The following CTNNAL1 variants were observed in gnomAD, a reference collection of about 807,000 sequenced individuals.
The protein encoded by CTNNAL1 is catenin alpha like 1.
In CTNNAL1, 69 loss-of-function variants were observed where a neutral mutation model predicts 93.6. That is an observed-to-expected ratio of 0.74 (90% confidence interval 0.61 to 0.90). The LOEUF (loss-of-function observed/expected upper bound fraction) is 0.90. Among genes scored for constraint, CTNNAL1 ranks in the 40% least tolerant of loss-of-function variants. The pLI, the probability that CTNNAL1 is intolerant of heterozygous loss-of-function variation, is 0.00. For synonymous variants in CTNNAL1, 286 were observed against 305.4 expected, an observed-to-expected ratio of 0.94 and a Z score of 0.66; for missense variants, 836 against 862.0, an observed-to-expected ratio of 0.97 and a Z score of 0.38.
intron 7 of CTNNAL1, among the ~76,000 whole-genome samples, chr9:108,978,661 C>T (rs1831332594): frequency 6.6e-6 from 1 of 152,216 alleles, no homozygotes; most frequent in African/African-American, 2.4e-5. Flanking sequence ...CTTGGCCATT[C>T]TTGCCCAAAT....
chr9:108,968,307 A>C (rs2132123840), intron 10 of CTNNAL1, among the ~76,000 whole-genome samples: 1 of 152,356 alleles, frequency 6.6e-6, no homozygotes, highest in African/African-American at 2.4e-5. Flanking sequence ...AAAGACTAGG[A>C]GTGGAAGCTA....
chr9:108,966,534 G>C (rs1830958098), intron 10 of CTNNAL1, among the ~76,000 whole-genome samples: 1 of 151,834 alleles, frequency 6.6e-6, no homozygotes, highest in South Asian at 2.1e-4. Flanking sequence ...ATGGTTCAAT[G>C]CACAGGCTCC....
At chr9:108,986,536 T>C (rs1426931024) in intron 4 of CTNNAL1, among the ~76,000 whole-genome samples, 1 of 152,006 alleles carries the variant, frequency 6.6e-6, no homozygotes. Context: ...CGTTTGGGTA[T>C]ATACCCAGTA....
At chr9:108,970,606 T>C in intron 9 of CTNNAL1, 112 bp from the exon 10 acceptor site, 1 of 909,552 alleles carries the variant, frequency 1.1e-6, no homozygotes, top group Non-Finnish European at 1.5e-6. Flanking sequence ...TTAAAACCTA[T>C]TAAAATAAAC....
chr9:108,973,278 T>C (rs1040389236), intron 8 of CTNNAL1, among the ~76,000 whole-genome samples: 3 of 152,218 alleles, frequency 2.0e-5, no homozygotes, highest in African/African-American at 7.2e-5. Context: ...TTAAGAGTAT[T>C]AAGAGTGCAA....
chr9:108,988,204 C>T (rs934518259), intron 4 of CTNNAL1, among the ~76,000 whole-genome samples: 4 of 152,198 alleles, frequency 2.6e-5, no homozygotes, highest in Non-Finnish European at 5.9e-5. Context: ...GTGCCTCAGC[C>T]TCCTGAGTAG....
intron 1 of CTNNAL1, among the ~76,000 whole-genome samples, chr9:109,011,505 T>C (rs893792741): frequency 2.6e-5 from 4 of 152,258 alleles, no homozygotes; most frequent in African/African-American, 9.6e-5. Flanking sequence ...AATGCAGAGC[T>C]GTAAGACTGA....
chr9:108,968,765 C>T (rs1243838756), intron 10 of CTNNAL1, among the ~76,000 whole-genome samples: 1 of 152,190 alleles, frequency 6.6e-6, no homozygotes, highest in Non-Finnish European at 1.5e-5. Context: ...CACACACCAT[C>T]GTTGAGTCTA....
chr9:108,972,868 G>GGGCCCCCGGGT, intron 8 of CTNNAL1, 35 bp from the exon 9 acceptor site: 1 of 1,092,792 alleles, frequency 9.2e-7, no homozygotes, highest in Non-Finnish European at 1.2e-6. Context: ...GGGTGGGAGG[G>GGGCCCCCGGGT]TGGAGAAGGA....
chr9:108,970,226 C>A lies in CTNNAL1; in HGVS notation c.1440+176G>T, dbSNP rs1027733566. Among the ~76,000 whole-genome samples the A allele has an allele frequency of 2.0e-5, 3 of 152,304 alleles. No individual in the cohort carries two copies. In the East Asian group the frequency reaches 5.8e-4, roughly 29 times the overall value. On this transcript the variant is annotated intron_variant, in intron 10 of 18. Transcript: ENST00000325551. Reference sequence around the variant, plus strand: ...TCTCCAATTTGGCAGATGACCAGCTCCAATGGAAGGTTAGCCATGTTCTGG... The same window carrying A: ...TCTCCAATTTGGCAGATGACCAGCTACAATGGAAGGTTAGCCATGTTCTGG...
chr9:108,960,456 T>TAG (rs767240362), intron 11 of CTNNAL1, among the ~76,000 whole-genome samples: 12 of 152,168 alleles, frequency 7.9e-5, no homozygotes, highest in Admixed American at 5.9e-4. Flanking sequence ...CCCCCATTTT[T>TAG]AGTGGCATCC....
chr9:108,988,733 A>G (rs1446464149), intron 4 of CTNNAL1, among the ~76,000 whole-genome samples: 7 of 151,934 alleles, frequency 4.6e-5, no homozygotes, highest in Admixed American at 1.3e-4. Flanking sequence ...TTTATTGTCT[A>G]TCTCCTCCCA....
At chr9:108,983,781 T>C (rs956965762) in intron 5 of CTNNAL1, among the ~76,000 whole-genome samples, 1 of 152,214 alleles carries the variant, frequency 6.6e-6, no homozygotes, top group Non-Finnish European at 1.5e-5. Flanking sequence ...GCTTCACTGA[T>C]TCTAGCATGG....
At chr9:108,990,394 G>A (rs758265169) in intron 4 of CTNNAL1, among the ~76,000 whole-genome samples, 1 of 152,230 alleles carries the variant, frequency 6.6e-6, no homozygotes, top group East Asian at 1.9e-4. Flanking sequence ...TCAATTTTAT[G>A]TGCCTGAGCC....
intron 1 of CTNNAL1, among the ~76,000 whole-genome samples, chr9:109,008,152 CTTT>C (rs149753320): frequency 2.3e-5 from 2 of 85,298 alleles, no homozygotes; most frequent in East Asian, 7.4e-4. Context: ...ATCCATCTTT[CTTT>C]TTTTTTTTTT....
chr9:108,972,865 A>ACTG, intron 8 of CTNNAL1, 32 bp from the exon 9 acceptor site: 5 of 219,278 alleles, frequency 2.3e-5, no homozygotes, highest in African/African-American at 7.2e-5. Flanking sequence ...GGGGGGTGGG[A>ACTG]GGGTGGAGAA....
intron 8 of CTNNAL1, 31 bp from the exon 9 acceptor site, chr9:108,972,864 G>GGGGGGGGGGGGCCCCCCC: frequency 1.2e-4 from 17 of 142,402 alleles, no homozygotes; most frequent in East Asian, 2.2e-4. Flanking sequence ...GGGGGGGTGG[G>GGGGGGGGGGGGCCCCCCC]AGGGTGGAGA....
chr9:108,977,197 C>G, intron 7 of CTNNAL1, 149 bp from the exon 8 acceptor site: 1 of 398,470 alleles, frequency 2.5e-6, no homozygotes, highest in East Asian at 3.9e-5. Context: ...GTTTAAGTTA[C>G]AGTGGAAAAT....
intron 1 of CTNNAL1, among the ~76,000 whole-genome samples, chr9:109,002,579 G>T (rs1321488109): frequency 6.6e-6 from 1 of 152,160 alleles, no homozygotes. Context: ...AGCAGATTTT[G>T]AAGGTGCTAC....
Sources: allele counts gnomAD v4.1 joint callset (sites outside exome capture counted in the v4.1 genomes callset), GRCh38; gene constraint gnomAD v4.1.1; transcripts MANE v1.5; gene names NCBI Gene and HGNC (gene_info 2026-07-23, HGNC 2026-07-21).